The following CEP57L1 variants were observed in gnomAD, a reference collection of about 807,000 sequenced individuals.
The protein encoded by CEP57L1 is centrosomal protein 57 like 1.
In CEP57L1, 37 loss-of-function variants were observed where a neutral mutation model predicts 61.0. That is an observed-to-expected ratio of 0.61 (90% CI 0.47 to 0.80). The LOEUF is 0.80. Among genes scored for constraint, CEP57L1 ranks in the 30% least tolerant of loss-of-function variants. The pLI is 0.00. For missense variants in CEP57L1, 422 were observed against 524.7 expected (o/e 0.80, Z 1.91); for synonymous variants, 137 against 162.3 (o/e 0.84, Z 1.19).
chr6:109,106,020 T>A (rs189494646), intron 1 of CEP57L1: 4 of 152,262 alleles, frequency 2.6e-5, no homozygotes, highest in African/African-American at 7.2e-5. Flanking sequence ...TGTCACTGTC[T>A]CTCATCACCC....
chr6:109,103,721 C>A (rs1378574191), intron 1 of CEP57L1, among the ~76,000 whole-genome samples: 1 of 152,030 alleles, frequency 6.6e-6, no homozygotes, highest in Non-Finnish European at 1.5e-5. Flanking sequence ...TTTTTAAAAA[C>A]CAATAATTGT....
In CEP57L1 at chr6:109,168,815, C is replaced by T. The variant is rs1042109031; in HGVS notation, c.*5845C>T. The stretch of plus-strand genomic sequence containing the variant: ...TTCACTGTATTGCCCAGGCTGGTCA[C>T]GAACTCCTGAGCTCAGGCAATCTGC... On this transcript the variant is annotated 3_prime_UTR_variant, in exon 11 of 11. Transcript: ENST00000517392. 2.0e-5 allele frequency among the ~76,000 whole-genome samples: 3 copies of T among 151,270 alleles called. No homozygotes were observed. The highest frequency in any genetic ancestry group is 7.3e-5 in the African/African-American group (3 of 41,310).
intron 10 of CEP57L1, 59 bp downstream of exon 10, chr6:109,160,775 G>T (rs993407240): frequency 1.3e-6 from 2 of 1,515,498 alleles, no homozygotes; most frequent in African/African-American, 2.8e-5. Flanking sequence ...ATTCAGTGTT[G>T]TATCTCTGTA....
intron 9 of CEP57L1, among the ~76,000 whole-genome samples, chr6:109,160,015 T>C (rs971882963): frequency 6.6e-6 from 1 of 152,224 alleles, no homozygotes; most frequent in Non-Finnish European, 1.5e-5. Context: ...TTTTGAAGCA[T>C]CTATAGTAAA....
At chr6:109,153,384 G>A (rs778521302) in intron 4 of CEP57L1, among the ~76,000 whole-genome samples, 8 of 151,384 alleles carry the variant, frequency 5.3e-5, no homozygotes, top group Admixed American at 2.0e-4. Flanking sequence ...TGAGACTACA[G>A]GTGTGCATGC....
Position 109,150,248 on chromosome 6 carries a change from A to G in CEP57L1, c.462+9A>G. The G allele has an allele frequency of 6.3e-7, 1 of 1,588,912 alleles. No homozygotes were observed. The highest frequency in any genetic ancestry group is 8.6e-7 in the Non-Finnish European group (1 of 1,160,208). ...TGATCCTAGAACAACAGGTGAGCAT[A>G]TTTTCTATAAGGAATGATAATATAA... On this transcript the variant is annotated intron_variant, in intron 4 of 10. Coordinates refer to ENST00000517392, the MANE Select transcript of CEP57L1 (RefSeq NM_001271852.3).
rs879884930 is a variant in CEP57L1, at chr6:109,158,951, T to C, written c.745-74T>C. The C allele has an allele frequency of 4.8e-6, 7 of 1,454,944 alleles. No individual in the cohort carries two copies. In the African/African-American group the frequency reaches 8.5e-5, roughly 18 times the overall value. 90.1% of individuals were successfully genotyped at this position (1,454,944 alleles called of 1,614,324 possible). A position where few individuals can be genotyped will look rare whatever the true frequency, so the allele number is the denominator to read the frequency against. On this transcript the variant is annotated intron_variant, in intron 7 of 10. Transcript: ENST00000517392. ...CCAGTTGCATTGTTTTCTGTTGAGT[T>C]TTGAGAGTTCTTCATATCGTAAATA...
At chr6:109,144,809 T>C (rs1227196229) in intron 1 of CEP57L1, among the ~76,000 whole-genome samples, 1 of 152,074 alleles carries the variant, frequency 6.6e-6, no homozygotes, top group Non-Finnish European at 1.5e-5. Context: ...AGAGAATCAG[T>C]GTATATTGTT....
chr6:109,134,030 G>A lies in CEP57L1; in HGVS notation c.-3-11189G>A, dbSNP rs1774511648. 2.6e-5 allele frequency among the ~76,000 whole-genome samples: 4 copies of A among 152,212 alleles called. No homozygotes were observed. In the South Asian group the frequency reaches 6.2e-4, roughly 24 times the overall value. On this transcript the variant is annotated intron_variant, in intron 1 of 10. Coordinates refer to ENST00000517392, the MANE Select transcript of CEP57L1 (RefSeq NM_001271852.3). ...CCTTCTGAAACTATTCCAATCAATA[G>A]AAAAACAGGGAATCCTCCCTAACTC...
intron 1 of CEP57L1, among the ~76,000 whole-genome samples, chr6:109,110,071 G>T (rs1771412348): frequency 6.6e-6 from 1 of 152,184 alleles, no homozygotes; most frequent in African/African-American, 2.4e-5. Flanking sequence ...GGGATCACTG[G>T]GTCAAATGGT....
chr6:109,163,349 A>G lies in CEP57L1; in HGVS notation c.*379A>G, dbSNP rs532647541. Reference sequence around the variant, plus strand: ...AGTAGGTTTGGAACCTTAAAAACCAATGTTCAATGAACAGAGTTCAGAAAG... The same window carrying G: ...AGTAGGTTTGGAACCTTAAAAACCAGTGTTCAATGAACAGAGTTCAGAAAG... On this transcript the variant is annotated 3_prime_UTR_variant, in exon 11 of 11. Transcript: ENST00000517392. 21 of 161,774 alleles carry G rather than the reference A, an allele frequency of 1.3e-4. No individual in the cohort carries two copies. The South Asian group carries it at 3.2e-3, about 25-fold the overall frequency. The allele number at this position is 161,774 out of a possible 1,614,324, so 10.0% of individuals were successfully genotyped here. A position where few individuals can be genotyped will look rare whatever the true frequency, so the allele number is the denominator to read the frequency against.
intron 1 of CEP57L1, among the ~76,000 whole-genome samples, chr6:109,141,189 T>A (rs181500829): frequency 1.0e-3 from 159 of 152,208 alleles, no homozygotes; most frequent in African/African-American, 3.2e-3. Context: ...TGGGGCAAGA[T>A]GAAGCCTTAA....
rs1019648563 is a variant in CEP57L1, at chr6:109,164,042, A to T, written c.*1072A>T. 1 of 152,090 alleles carries T rather than the reference A, an allele frequency of 6.6e-6. No individual in the cohort carries two copies. Among genetic ancestry groups the T allele is most frequent in the Non-Finnish European group, 1.5e-5 (1 of 68,032 alleles). The allele number at this position is 152,090 out of a possible 1,614,324, so 9.4% of individuals were successfully genotyped here. ...AGAGAGAAAAGATATAATAGAATGG[A>T]GGAGCTCAAATATAGGGTAGCAGTT... On this transcript the variant is annotated 3_prime_UTR_variant, in exon 11 of 11. Coordinates refer to ENST00000517392, the MANE Select transcript of CEP57L1 (RefSeq NM_001271852.3).
Position 109,172,698 on chromosome 6 carries a change from T to C in CEP57L1, c.*9728T>C, listed in dbSNP as rs1255959527. On this transcript the variant is annotated 3_prime_UTR_variant, in exon 11 of 11. Transcript: ENST00000517392. ...TCCTCCTAAAGCATGGAATTGGCCA[T>C]AAATTTGCTTAGTGATTTTCTGATT... Among the ~76,000 whole-genome samples the C allele has an allele frequency of 6.6e-6, 1 of 152,218 alleles. No individual in the cohort carries two copies. Among genetic ancestry groups the C allele is most frequent in the Non-Finnish European group, 1.5e-5 (1 of 68,028 alleles).
At chr6:109,116,125 T>TATTTTATTTTA (rs1562512073) in intron 1 of CEP57L1, among the ~76,000 whole-genome samples, 21 of 126,132 alleles carry the variant, frequency 1.7e-4, no homozygotes, top group African/African-American at 7.4e-4. Context: ...ATGTTATGTG[T>TATTTTATTTTA]TGTGTTATGT....
chr6:109,108,423 G>C lies in CEP57L1; in HGVS notation c.-4+12848G>C, dbSNP rs563777600. Among the ~76,000 whole-genome samples, 3 of 152,008 alleles carry C rather than the reference G, an allele frequency of 2.0e-5. No homozygotes were observed. The East Asian group carries it at 5.8e-4, about 29-fold the overall frequency. On this transcript the variant is annotated intron_variant, in intron 1 of 10. Transcript: ENST00000517392. ...GACAGGGTTTCACTATTTTGGCCAG[G>C]CTGGTCTCGAACTCCTGAACTCCAG... is the stretch of plus-strand genomic sequence containing the variant.
chr6:109,139,229 G>T (rs1389015924), intron 1 of CEP57L1, among the ~76,000 whole-genome samples: 1 of 152,170 alleles, frequency 6.6e-6, no homozygotes, highest in Non-Finnish European at 1.5e-5. Flanking sequence ...GGATGGAGCT[G>T]GACAGTGTGA....
At chr6:109,141,687 ATTATC>A (rs1771400811) in intron 1 of CEP57L1, among the ~76,000 whole-genome samples, 1 of 151,870 alleles carries the variant, frequency 6.6e-6, no homozygotes, top group African/African-American at 2.4e-5. Context: ...ACCACCACAA[ATTATC>A]TTATTCAGTT....
chr6:109,105,751 C>A (rs1334693902), intron 1 of CEP57L1, among the ~76,000 whole-genome samples: 1 of 152,220 alleles, frequency 6.6e-6, no homozygotes, highest in African/African-American at 2.4e-5. Context: ...GATTAGGGAT[C>A]CCCAACCCTC....
Sources: gnomAD v4.1 joint callset for allele counts (sites outside exome capture counted in the v4.1 genomes callset) on GRCh38, gnomAD v4.1.1 for gene constraint, MANE v1.5 for transcripts, NCBI Gene and HGNC (gene_info 2026-07-23, HGNC 2026-07-21) for gene names.